The following VAV3 variants were observed in gnomAD, a reference collection of about 807,000 sequenced individuals.
The protein encoded by VAV3 is vav guanine nucleotide exchange factor 3.
A neutral mutation model predicts 131.2 loss-of-function variants in VAV3; 94 were observed. That is an observed-to-expected ratio of 0.72 (90% CI 0.61 to 0.85). VAV3 has a LOEUF of 0.85. Among genes scored for constraint, VAV3 ranks in the 40% least tolerant of loss-of-function variants. The probability of loss-of-function intolerance (pLI) is 0.00; values close to 1 mark genes in which losing one functional copy is unlikely to be tolerated. For missense variants in VAV3, 939 were observed against 1,002.7 expected (o/e 0.94, Z 0.86); for synonymous variants, 349 against 342.0 (o/e 1.02, Z -0.22).
intron 13 of VAV3, among the ~76,000 whole-genome samples, chr1:107,750,704 T>A (rs1663667252): frequency 6.6e-6 from 1 of 152,276 alleles, no homozygotes; most frequent in South Asian, 2.1e-4. Context: ...GAACTACATC[T>A]GCAAATTTCC....
intron 1 of VAV3, among the ~76,000 whole-genome samples, chr1:107,876,439 C>G (rs1387697893): frequency 6.6e-6 from 1 of 152,024 alleles, no homozygotes; most frequent in African/African-American, 2.4e-5. Flanking sequence ...CAGAAGATGT[C>G]GAGACATGTT....
chr1:107,668,656 G>C (rs914909143), intron 19 of VAV3: 2 of 985,286 alleles, frequency 2.0e-6, no homozygotes, highest in African/African-American at 3.5e-5. Context: ...ATTGTAGTGA[G>C]AGAAAGAAAC....
intron 10 of VAV3, among the ~76,000 whole-genome samples, chr1:107,759,777 A>T (rs1664315213): frequency 6.6e-6 from 1 of 152,136 alleles, no homozygotes; most frequent in South Asian, 2.1e-4. Context: ...GTATTTTTTT[A>T]AAAAGCTGTA....
intron 1 of VAV3, among the ~76,000 whole-genome samples, chr1:107,915,684 CTG>C (rs1216836638): frequency 6.6e-6 from 1 of 152,206 alleles, no homozygotes; most frequent in Non-Finnish European, 1.5e-5. Context: ...TGGACAGGGG[CTG>C]TGTTTTATTC....
chr1:107,846,038 G>C (rs1668951586), intron 2 of VAV3, among the ~76,000 whole-genome samples: 2 of 152,112 alleles, frequency 1.3e-5, no homozygotes, highest in Admixed American at 1.3e-4. Context: ...AATGTTAAGG[G>C]CAGTCAGAGA....
chr1:107,899,083 G>C (rs573029706), intron 1 of VAV3, among the ~76,000 whole-genome samples: 18 of 152,310 alleles, frequency 1.2e-4, no homozygotes, highest in African/African-American at 4.3e-4. Flanking sequence ...ATGAAAGTAT[G>C]TATGTGGTTC....
intron 19 of VAV3, among the ~76,000 whole-genome samples, chr1:107,648,334 A>C (rs1311110423): frequency 2.0e-5 from 3 of 152,048 alleles, no homozygotes; most frequent in Non-Finnish European, 2.9e-5. Flanking sequence ...AGATATGATA[A>C]TGTCTTTGGA....
chr1:107,815,299 C>A (rs1250454129), intron 2 of VAV3, among the ~76,000 whole-genome samples: 1 of 152,140 alleles, frequency 6.6e-6, no homozygotes, highest in African/African-American at 2.4e-5. Context: ...CATACCAGCC[C>A]CAGACTAACT....
At position 107,651,799 on chromosome 1, in the gene VAV3, G is replaced by A. The variant is rs182722299; in HGVS notation, c.1778-9044C>T. On this transcript the variant is annotated intron_variant, in intron 19 of 26. Coordinates refer to ENST00000370056, the MANE Select transcript of VAV3 (RefSeq NM_006113.5). ...AAAAAAATAATAAATTATATAATAA[G>A]TTTCCTATTAAAAACTTGCTCACTG... 2.7e-3 allele frequency among the ~76,000 whole-genome samples: 406 copies of A among 151,874 alleles called. 1 individual carries two copies. The highest frequency in any genetic ancestry group is 0.015 in the South Asian group (72 of 4,800).
intron 1 of VAV3, among the ~76,000 whole-genome samples, chr1:107,926,588 C>A (rs1032081202): frequency 6.6e-6 from 1 of 151,966 alleles, no homozygotes; most frequent in African/African-American, 2.4e-5. Flanking sequence ...TCCCCCATCT[C>A]CTGGTAGTAG....
intron 2 of VAV3, among the ~76,000 whole-genome samples, chr1:107,821,164 T>G (rs543339339): frequency 6.6e-6 from 1 of 152,332 alleles, no homozygotes; most frequent in African/African-American, 2.4e-5. Flanking sequence ...ATCATATCCT[T>G]AGAAGACAAA....
intron 15 of VAV3, among the ~76,000 whole-genome samples, chr1:107,738,370 A>T (rs1399960557): frequency 6.6e-6 from 1 of 152,210 alleles, no homozygotes. Context: ...AAGAAAAGAA[A>T]AGAAAATATA....
chr1:107,609,714 G>A (rs1652571356), intron 22 of VAV3: 2 of 497,986 alleles, frequency 4.0e-6, no homozygotes, highest in Non-Finnish European at 7.3e-6. Context: ...TCAGTCTAGG[G>A]CACTGGGCAC....
chr1:107,772,655 A>T, intron 5 of VAV3, 80 bp downstream of exon 5: 1 of 1,220,748 alleles, frequency 8.2e-7, no homozygotes, highest in Non-Finnish European at 1.2e-6. Context: ...ATCCCAGCAG[A>T]TGTTACATAA....
chr1:107,920,367 G>A lies in VAV3; in HGVS notation c.204+44299C>T, dbSNP rs148433258. 6.7e-3 allele frequency among the ~76,000 whole-genome samples: 1,027 copies of A among 152,214 alleles called. 9 individuals carry two copies. The highest frequency in any genetic ancestry group is 0.034 in the Middle Eastern group (10 of 294). ...TACGGCCATCCACTAATGAAACTTC[G>A]GGGCAAATAGGGACAAAATTCTTCT... On this transcript the variant is annotated intron_variant, in intron 1 of 26. Transcript: ENST00000370056.
intron 2 of VAV3, among the ~76,000 whole-genome samples, chr1:107,813,567 T>C (rs1667422492): frequency 6.6e-6 from 1 of 152,264 alleles, no homozygotes; most frequent in African/African-American, 2.4e-5. Context: ...ATGGTATTTA[T>C]AATAACCACC....
intron 1 of VAV3, among the ~76,000 whole-genome samples, chr1:107,936,984 C>A (rs944866164): frequency 6.6e-6 from 1 of 152,058 alleles, no homozygotes; most frequent in African/African-American, 2.4e-5. Context: ...CCAAAGACTA[C>A]GGGAAATGGG....
intron 14 of VAV3, 112 bp downstream of exon 14, chr1:107,749,346 CTAGA>C (rs1405939493): frequency 8.2e-7 from 1 of 1,221,396 alleles, no homozygotes; most frequent in African/African-American, 1.5e-5. Context: ...TAATCAATCT[CTAGA>C]AACAAAAACA....
chr1:107,715,099 ATTCT>A (rs1391275491), intron 15 of VAV3, among the ~76,000 whole-genome samples: 1 of 152,116 alleles, frequency 6.6e-6, no homozygotes, highest in African/African-American at 2.4e-5. Flanking sequence ...CCCATAAACT[ATTCT>A]TTCTATTTTT....
Sources: gnomAD v4.1 joint callset for allele counts (sites outside exome capture counted in the v4.1 genomes callset) on GRCh38, gnomAD v4.1.1 for gene constraint, MANE v1.5 for transcripts, NCBI Gene and HGNC (gene_info 2026-07-23, HGNC 2026-07-21) for gene names.